The following GAPDH variants were observed in gnomAD, a reference collection of about 807,000 sequenced individuals.
The protein encoded by GAPDH is glyceraldehyde-3-phosphate dehydrogenase, also known as OCAS, p38 component.
Under a neutral mutation model 31.2 loss-of-function variants are expected in GAPDH, and 13 were observed. The observed-to-expected ratio is 0.42, with a 90% CI of 0.27 to 0.66. The LOEUF (loss-of-function observed/expected upper bound fraction) is 0.66. Ranked by LOEUF, GAPDH falls within the 30% of genes least tolerant of loss-of-function variation. The pLI, the probability that GAPDH is intolerant of heterozygous loss-of-function variation, is 0.26. For synonymous variants in GAPDH, 211 were observed against 166.9 expected (o/e 1.26, Z -2.04); for missense variants, 300 against 443.7 (o/e 0.68, Z 2.91).
In GAPDH at chr12:6,535,278, C is replaced by T. The variant is rs568847196; in HGVS notation, c.29+417C>T. ...GGTGCATCCCTGTCCGGATGCTGCGCCTGCGGTAGAGCGGCCGCCATGTTG... is the reference window on the plus strand; with the variant it reads ...GGTGCATCCCTGTCCGGATGCTGCGTCTGCGGTAGAGCGGCCGCCATGTTG... On this transcript the variant is annotated intron_variant, in intron 2 of 8. Transcript: ENST00000229239. 1.4e-5 allele frequency: 14 copies of T among 1,016,684 alleles called. No individual in the cohort carries two copies. In the African/African-American group the frequency reaches 2.1e-4, roughly 15 times the overall value. 63.0% of individuals were successfully genotyped at this position (1,016,684 alleles called of 1,614,324 possible).
Position 6,538,205 on chromosome 12 carries a change from G to C in GAPDH, c.*35G>C. On this transcript the variant is annotated 3_prime_UTR_variant, in exon 9 of 9. Transcript: ENST00000229239. ...ACCACCAGCCCCAGCAAGAGCACAA[G>C]AGGAAGAGAGAGACCCTCACTGCTG... 6.5e-7 allele frequency: 1 copy of C among 1,537,910 alleles called. No individual in the cohort carries two copies. The highest frequency in any genetic ancestry group is 8.9e-7 in the Non-Finnish European group (1 of 1,122,764).
intron 3 of GAPDH, 25 bp downstream of exon 3, chr12:6,536,618 A>G (rs376084492): frequency 2.1e-5 from 33 of 1,608,710 alleles, no homozygotes; most frequent in Non-Finnish European, 2.6e-5. Context: ...GTGAGCCCCA[A>G]AGCTGGTGTG....
intron 8 of GAPDH, 29 bp downstream of exon 8, chr12:6,538,025 T>C: frequency 6.3e-7 from 1 of 1,596,538 alleles, no homozygotes; most frequent in African/African-American, 1.3e-5. Flanking sequence ...AGACTGGCTC[T>C]TAAAAAGTGC....
chr12:6,535,304 CAA>C, intron 2 of GAPDH: 5 of 1,002,982 alleles, frequency 5.0e-6, no homozygotes, highest in Non-Finnish European at 5.9e-6. Flanking sequence ...CGCCATGTTG[CAA>C]CCGGGAAGGA....
rs139204528 is a variant in GAPDH, at chr12:6,536,713, T to C, written c.159T>C (p.His53=). 8.6e-5 allele frequency: 139 copies of C among 1,614,004 alleles called. No homozygotes were observed. The African/African-American group carries it at 1.8e-3, about 21-fold the overall frequency. Residue 53 remains histidine, a synonymous_variant, in exon 4 of 9, where the codon CAT becomes CAC. Coordinates refer to ENST00000229239, the MANE Select transcript of GAPDH (RefSeq NM_002046.7). ...ACATGTTCCAATATGATTCCACCCA[T>C]GGCAAATTCCATGGCACCGTCAAGG... ...MVYMFQYDST[H]GKFHGTVKAE...
chr12:6,535,184 A>G lies in GAPDH; in HGVS notation c.29+323A>G, dbSNP rs879791212. ...CTTTCCTTTCGCGCTCTGCGGGGTC[A>G]CGTGTCGCAGAGGAGCCCCTCCCCC... On this transcript the variant is annotated intron_variant, in intron 2 of 8. Coordinates refer to ENST00000229239, the MANE Select transcript of GAPDH (RefSeq NM_002046.7). The G allele has an allele frequency of 9.1e-6, 10 of 1,094,830 alleles. 1 individual carries two copies. The highest frequency in any genetic ancestry group is 7.2e-4 in the Middle Eastern group (2 of 2,782). The allele number at this position is 1,094,830 out of a possible 1,614,324, so 67.8% of individuals were successfully genotyped here.
rs1946486787 is a variant in GAPDH, at chr12:6,537,033, G to C, written c.327+23G>C. The C allele has an allele frequency of 6.2e-7, 1 of 1,609,058 alleles. No homozygotes were observed. The highest frequency in any genetic ancestry group is 1.1e-5 in the South Asian group (1 of 89,572). On this transcript the variant is annotated intron_variant, in intron 5 of 8. Coordinates refer to ENST00000229239, the MANE Select transcript of GAPDH (RefSeq NM_002046.7). The surrounding 1 kb of genome is among the most constrained non-coding windows in gnomAD (Gnocchi z 4.9). ...GGGGTGAGTGCAGGAGGGCCCGCGG[G>C]AGGGGAAGCTGACTCAGCCCTGCAA...
intron 2 of GAPDH, chr12:6,535,314 G>A: frequency 1.0e-6 from 1 of 998,938 alleles, no homozygotes; most frequent in Non-Finnish European, 1.2e-6. Context: ...CAACCGGGAA[G>A]GAAATGAATG....
rs1592190644 is a variant in GAPDH, at chr12:6,538,278, C to T, written c.*108C>T. ...CCCCCACCACACTGAATCTCCCCTC[C>T]TCACAGTTGCCATGTAGACCCCTTG... On this transcript the variant is annotated 3_prime_UTR_variant, in exon 9 of 9. Transcript: ENST00000229239. The T allele has an allele frequency of 6.5e-6, 6 of 918,152 alleles. No individual in the cohort carries two copies. The East Asian group carries it at 1.3e-4, about 19-fold the overall frequency. 56.9% of individuals were successfully genotyped at this position (918,152 alleles called of 1,614,324 possible).
chr12:6,535,175 T>G, intron 2 of GAPDH: 1 of 1,088,624 alleles, frequency 9.2e-7, no homozygotes. Context: ...TTTCGCGCTC[T>G]GCGGGGTCAC....
Position 6,536,909 on chromosome 12 carries a change from C to T in GAPDH, c.237-11C>T. 6 of 1,609,798 alleles carry T rather than the reference C, an allele frequency of 3.7e-6. No individual in the cohort carries two copies. Among genetic ancestry groups the T allele is most frequent in the South Asian group, 3.3e-5 (3 of 90,876 alleles). On this transcript the variant is annotated splice_polypyrimidine_tract_variant and intron_variant, in intron 4 of 8. Coordinates refer to ENST00000229239, the MANE Select transcript of GAPDH (RefSeq NM_002046.7). ...TATGGTCCTGTCCCCATCTCCCCCC[C>T]ACCCCCATAGGCGAGATCCCTCCAA... is the stretch of plus-strand genomic sequence containing the variant.
rs1136666 is a variant in GAPDH at position 6,534,825 on chromosome 12, C to G, written c.-8C>G. 416,649 of 1,612,562 alleles carry G rather than the reference C, an allele frequency of 0.26. 55,507 individuals carry two copies. The highest frequency in any genetic ancestry group is 0.29 in the African/African-American group (21,442 of 74,926). ...CTCCGCGCAGCCGAGCCACATCGCT[C>G]AGACACCATGGGGAAGGTGAAGGTC... On this transcript the variant is annotated 5_prime_UTR_variant, in exon 2 of 9. Coordinates refer to ENST00000229239, the MANE Select transcript of GAPDH (RefSeq NM_002046.7).
chr12:6,536,447 C>T, intron 2 of GAPDH, 47 bp from the exon 3 acceptor site: 1 of 1,380,174 alleles, frequency 7.2e-7, no homozygotes, highest in Non-Finnish European at 1.0e-6. Context: ...CTCACATATT[C>T]TGGAGGAGCC....
At position 6,537,383 on chromosome 12, in the gene GAPDH, G is replaced by T. The variant is rs1303375927; in HGVS notation, c.518G>T (p.Gly173Val). ...CATGACAACTTTGGTATCGTGGAAGGACTCATGGTATGAGAGCTGGGGAAT... is the reference window on the plus strand; with the variant it reads ...CATGACAACTTTGGTATCGTGGAAGTACTCATGGTATGAGAGCTGGGGAAT... ...VIHDNFGIVE[G>V]LMTTVHAITA... is the part of the protein sequence containing the mutation. The change falls in exon 7 of 9, where the codon GGA (glycine) becomes GTA (valine). Residue 173 changes from glycine (G) to valine (V), a missense_variant. By Grantham distance (109) the Gly-to-Val change is moderately radical. Transcript: ENST00000229239. This position sits in a 1 kb window ranked among gnomAD's most constrained non-coding sequence, Gnocchi z 4.9. The T allele has an allele frequency of 6.2e-7, 1 of 1,608,962 alleles. No homozygotes were observed. Among genetic ancestry groups the T allele is most frequent in the Admixed American group, 1.7e-5 (1 of 60,022 alleles).
At chr12:6,535,751 G>C (rs1049119678) in intron 2 of GAPDH, among the ~76,000 whole-genome samples, 2 of 152,136 alleles carry the variant, frequency 1.3e-5, no homozygotes, top group Non-Finnish European at 2.9e-5. Context: ...CGGGGAACCT[G>C]CCCTTCTCCC....
At position 6,537,848 on chromosome 12, in the gene GAPDH, C is replaced by G. The variant is rs1474526576; in HGVS notation, c.790C>G (p.Gln264Glu). The change falls in exon 8 of 9, where the codon CAG becomes GAG. Residue 264 changes from glutamine to glutamate, a missense_variant. Gln to Glu is a conservative substitution (Grantham distance 29). Transcript: ENST00000229239. This position sits in a 1 kb window ranked among gnomAD's most constrained non-coding sequence, Gnocchi z 4.9. ...TGATGACATCAAGAAGGTGGTGAAG[C>G]AGGCGTCGGAGGGCCCCCTCAAGGG... ...KYDDIKKVVK[Q>E]ASEGPLKGIL... is the part of the protein sequence containing the mutation. 1 of 1,612,694 alleles carries G rather than the reference C, an allele frequency of 6.2e-7. No homozygotes were observed.
chr12:6,537,290 GCTCC>G lies in GAPDH; in HGVS notation c.444-15_444-12del. 3.1e-6 allele frequency: 5 copies of G among 1,600,230 alleles called. No homozygotes were observed. In the African/African-American group the frequency reaches 4.0e-5, roughly 13 times the overall value. On this transcript the variant is annotated splice_polypyrimidine_tract_variant and intron_variant, in intron 6 of 8. Coordinates refer to ENST00000229239, the MANE Select transcript of GAPDH (RefSeq NM_002046.7). The surrounding 1 kb of genome is among the most constrained non-coding windows in gnomAD (Gnocchi z 4.9). ...GACACGCTCCCCTGACTTGCGCCCC[GCTCC>G]CTCTTTCTTTGCAGCAATGCCTCCT...
Position 6,536,737 on chromosome 12 carries a change from G to A in GAPDH, c.183G>A (p.Lys61=), listed in dbSNP as rs746479173. ...STHGKFHGTV[K]AENGKLVING... ...ATGGCAAATTCCATGGCACCGTCAA[G>A]GCTGAGAACGGGAAGCTTGTCATCA... is the stretch of plus-strand genomic sequence containing the variant. The change falls in exon 4 of 9, where the codon AAG becomes AAA. Residue 61 remains lysine (K), a synonymous_variant. Transcript: ENST00000229239. 3 of 1,614,036 alleles carry A rather than the reference G, an allele frequency of 1.9e-6. No individual in the cohort carries two copies. The South Asian group carries it at 3.3e-5, about 18-fold the overall frequency.
At chr12:6,536,864 G>C (rs769281153) in intron 4 of GAPDH, 56 bp from the exon 5 acceptor site, 8 of 1,586,930 alleles carry the variant, frequency 5.0e-6, no homozygotes, top group Admixed American at 3.3e-5. Flanking sequence ...TTGGGTATAT[G>C]GTAACCTTGT....
Sources: allele counts gnomAD v4.1 joint callset (sites outside exome capture counted in the v4.1 genomes callset), GRCh38; gene constraint gnomAD v4.1.1; non-coding constraint Gnocchi (gnomAD v3.1); transcripts MANE v1.5; gene names NCBI Gene and HGNC (gene_info 2026-07-23, HGNC 2026-07-21).